TLE4: variants seen among roughly 807,000 people sequenced by gnomAD.
TLE4 encodes the protein transducin-like enhancer protein 4.
TLE4 carries 8 observed loss-of-function variants against 92.8 expected under a neutral mutation model. That is an observed-to-expected ratio of 0.09 (90% CI 0.05 to 0.16). The LOEUF is 0.16. Among genes scored for constraint, TLE4 ranks in the 10% least tolerant of loss-of-function variants. The probability of loss-of-function intolerance (pLI) is 1.00; values close to 1 mark genes in which losing one functional copy is unlikely to be tolerated. For synonymous variants in TLE4, 371 were observed against 374.1 expected (o/e 0.99, Z 0.10); for missense variants, 675 against 997.6 (o/e 0.68, Z 4.36).
intron 8 of TLE4, among the ~76,000 whole-genome samples, chr9:79,665,142 A>G (rs1204343158): frequency 1.3e-5 from 2 of 152,238 alleles, no homozygotes; most frequent in East Asian, 1.9e-4. Flanking sequence ...AGGCACAGCT[A>G]TACCTCTGTA....
At chr9:79,680,650 C>A (rs2064332074) in intron 8 of TLE4, among the ~76,000 whole-genome samples, 1 of 152,176 alleles carries the variant, frequency 6.6e-6, no homozygotes, top group Admixed American at 6.5e-5. Context: ...ATGGCCAGAA[C>A]TTCCAACACT....
intron 15 of TLE4, among the ~76,000 whole-genome samples, chr9:79,719,658 C>T (rs1374443538): frequency 3.3e-5 from 5 of 152,144 alleles, no homozygotes; most frequent in South Asian, 2.1e-4. Context: ...CAGGACCTTT[C>T]AACAGCAGAA....
chr9:79,644,303 A>C (rs1290225490), intron 6 of TLE4, among the ~76,000 whole-genome samples: 1 of 152,118 alleles, frequency 6.6e-6, no homozygotes, highest in Non-Finnish European at 1.5e-5. Context: ...AGGCCTCCCC[A>C]GCCGTGCTTA....
Position 79,602,206 on chromosome 9 carries a change from G to A in TLE4, c.253-10450G>A, listed in dbSNP as rs184001152. On this transcript the variant is annotated intron_variant, in intron 4 of 19. Transcript: ENST00000376552. ...ATAATGTGAAAGTACAAAGTGAAGC[G>A]GCAAGTACTGATGTGGAATCTGCAG... 9.2e-5 allele frequency among the ~76,000 whole-genome samples: 14 copies of A among 152,270 alleles called. No homozygotes were observed. The East Asian group carries it at 2.1e-3, about 23-fold the overall frequency.
At chr9:79,637,629 A>G (rs984974032) in intron 6 of TLE4, among the ~76,000 whole-genome samples, 3 of 152,182 alleles carry the variant, frequency 2.0e-5, no homozygotes, top group African/African-American at 7.2e-5. Context: ...TCTGAATTAT[A>G]TTAGTTCCAC....
intron 8 of TLE4, among the ~76,000 whole-genome samples, chr9:79,695,974 T>C (rs1660609860): frequency 6.6e-6 from 1 of 152,082 alleles, no homozygotes; most frequent in African/African-American, 2.4e-5. Context: ...GTGTGAGATG[T>C]TTGTCTTATT....
In TLE4 at chr9:79,717,921, C is replaced by G. The variant is rs1024766594; in HGVS notation, c.1341-801C>G. The G allele has an allele frequency of 5.1e-5, 23 of 455,158 alleles. No homozygotes were observed. The East Asian group carries it at 1.1e-3, about 22-fold the overall frequency. 28.2% of individuals were successfully genotyped at this position (455,158 alleles called of 1,614,324 possible). Reference sequence around the variant, plus strand: ...CATGCGTCACAACAGCCTCACTCGTCCCTTCCTGACTTCAGTGCCCTAAAA... The same window carrying G: ...CATGCGTCACAACAGCCTCACTCGTGCCTTCCTGACTTCAGTGCCCTAAAA... On this transcript the variant is annotated intron_variant, in intron 14 of 19. Transcript: ENST00000376552.
Position 79,617,987 on chromosome 9 carries a change from G to A in TLE4, c.315+5269G>A, listed in dbSNP as rs955847222. Among the ~76,000 whole-genome samples, 17 of 152,184 alleles carry A rather than the reference G, an allele frequency of 1.1e-4. 1 individual carries two copies. Among genetic ancestry groups the A allele is most frequent in the Admixed American group, 1.0e-3 (16 of 15,278 alleles). ...TTGCACCATTGTGTCTTGCCCCAGCGTCAGCTGGCAGGAAAGAGAAAGGAA... is the reference window on the plus strand; with the variant it reads ...TTGCACCATTGTGTCTTGCCCCAGCATCAGCTGGCAGGAAAGAGAAAGGAA... On this transcript the variant is annotated intron_variant, in intron 5 of 19. Coordinates refer to ENST00000376552, the MANE Select transcript of TLE4 (RefSeq NM_007005.6).
At chr9:79,722,811 C>A in intron 18 of TLE4, 148 bp from the exon 19 acceptor site, 1 of 962,312 alleles carries the variant, frequency 1.0e-6, no homozygotes, top group Non-Finnish European at 1.5e-6. Context: ...TCGATTAAAT[C>A]CAGAAAGATA....
At chr9:79,634,743 T>A (rs528413181) in intron 6 of TLE4, among the ~76,000 whole-genome samples, 2 of 152,308 alleles carry the variant, frequency 1.3e-5, no homozygotes, top group African/African-American at 4.8e-5. Context: ...TGGAATTATA[T>A]ATCATGTAGC....
chr9:79,725,348 C>T lies in TLE4; in HGVS notation c.*204C>T. On this transcript the variant is annotated 3_prime_UTR_variant, in exon 20 of 20. Coordinates refer to ENST00000376552, the MANE Select transcript of TLE4 (RefSeq NM_007005.6). ...TTAAAAACCTGTGATACCAAATCTT[C>T]AGCTGTCTACTTGGAAGAACATGGA... 1 of 454,374 alleles carries T rather than the reference C, an allele frequency of 2.2e-6. No homozygotes were observed. Among genetic ancestry groups the T allele is most frequent in the Non-Finnish European group, 4.0e-6 (1 of 250,762 alleles). The allele number at this position is 454,374 out of a possible 1,614,324, so 28.1% of individuals were successfully genotyped here. A position where few individuals can be genotyped will look rare whatever the true frequency, so the allele number is the denominator to read the frequency against.
rs777787134 is a variant in TLE4, at chr9:79,657,646, T to C, written c.609+3571T>C. The stretch of plus-strand genomic sequence containing the variant: ...CCAGTTCTTTTCTGAGTGACTGAAA[T>C]GAGGGTAATGATTCAGAGCTGTGAA... On this transcript the variant is annotated intron_variant, in intron 8 of 19. Transcript: ENST00000376552. Among the ~76,000 whole-genome samples the C allele has an allele frequency of 4.0e-4, 61 of 152,088 alleles. 1 individual carries two copies. Among genetic ancestry groups the C allele is most frequent in the South Asian group, 4.1e-4 (2 of 4,822 alleles).
chr9:79,603,386 C>T, intron 4 of TLE4, among the ~76,000 whole-genome samples: 1 of 152,118 alleles, frequency 6.6e-6, no homozygotes, highest in East Asian at 1.9e-4. Flanking sequence ...TCAGCAACCA[C>T]CACCCTGATT....
chr9:79,665,594 C>T (rs2061263921), intron 8 of TLE4, among the ~76,000 whole-genome samples: 1 of 152,214 alleles, frequency 6.6e-6, no homozygotes, highest in Admixed American at 6.5e-5. Flanking sequence ...AAACATGAAC[C>T]TTTAGCAAAC....
intron 8 of TLE4, among the ~76,000 whole-genome samples, chr9:79,685,086 A>G (rs1000722371): frequency 1.3e-5 from 2 of 152,142 alleles, no homozygotes; most frequent in Non-Finnish European, 2.9e-5. Context: ...CAGCCTTACC[A>G]TCTGACTGCT....
intron 6 of TLE4, chr9:79,627,852 A>C (rs971798276): frequency 6.1e-6 from 1 of 163,360 alleles, no homozygotes; most frequent in African/African-American, 2.4e-5. Context: ...TGAGGTGTAC[A>C]TTTTCACATC....
At chr9:79,640,327 T>C (rs2056872353) in intron 6 of TLE4, among the ~76,000 whole-genome samples, 2 of 152,172 alleles carry the variant, frequency 1.3e-5, no homozygotes, top group African/African-American at 4.8e-5. Flanking sequence ...TGAGTTACTT[T>C]TGTTAAAAAT....
rs145808566 is a variant in TLE4, at chr9:79,668,358, G to A, written c.609+14283G>A. The stretch of plus-strand genomic sequence containing the variant: ...GTGAGATGCCAGGAGGGCTTGGCAG[G>A]AGTAGTGGTTTTCTTTCTGACTGAA... On this transcript the variant is annotated intron_variant, in intron 8 of 19. Coordinates refer to ENST00000376552, the MANE Select transcript of TLE4 (RefSeq NM_007005.6). Among the ~76,000 whole-genome samples the A allele has an allele frequency of 7.9e-5, 12 of 152,336 alleles. No homozygotes were observed. In the East Asian group the frequency reaches 2.3e-3, roughly 29 times the overall value.
chr9:79,669,969 A>G (rs534341219), intron 8 of TLE4, among the ~76,000 whole-genome samples: 4 of 152,302 alleles, frequency 2.6e-5, no homozygotes, highest in Non-Finnish European at 4.4e-5. Flanking sequence ...TTTCAGTACT[A>G]GATGGTCAAA....
Sources: gnomAD v4.1 joint callset for allele counts (sites outside exome capture counted in the v4.1 genomes callset) on GRCh38, gnomAD v4.1.1 for gene constraint, MANE v1.5 for transcripts, NCBI Gene and HGNC (gene_info 2026-07-23, HGNC 2026-07-21) for gene names.